FYB2: variants seen among roughly 807,000 people sequenced by gnomAD.
FYB2 encodes the protein FYN-binding protein 2.
FYB2 carries 103 observed loss-of-function variants against 94.1 expected under a neutral mutation model. The observed-to-expected ratio is 1.09, with a 90% CI of 0.93 to 1.29. The LOEUF is 1.29. Among genes scored for constraint, FYB2 ranks in the 50% most tolerant of loss-of-function variants. The probability of loss-of-function intolerance (pLI) is 0.00; values close to 1 mark genes in which losing one functional copy is unlikely to be tolerated. For synonymous variants in FYB2, 293 were observed against 287.9 expected (o/e 1.02, Z -0.18); for missense variants, 896 against 841.5 (o/e 1.06, Z -0.80).
At chr1:56,768,031 G>A in intron 4 of FYB2, 93 bp from the exon 5 acceptor site, 2 of 939,324 alleles carry the variant, frequency 2.1e-6, no homozygotes, top group South Asian at 3.3e-5. Flanking sequence ...AATAATATGT[G>A]TGTCTGGCCA....
At chr1:56,826,066 T>C in the FYB2 span, among the ~76,000 whole-genome samples, 1 of 152,190 alleles carries the variant, frequency 6.6e-6, no homozygotes, top group African/African-American at 2.4e-5. Context: ...GGGTGCCCGA[T>C]GGTCACTGGC....
chr1:56,719,811 T>G, intron 19 of FYB2, 119 bp from the exon 20 acceptor site: 1 of 1,128,240 alleles, frequency 8.9e-7, no homozygotes, highest in Admixed American at 2.5e-5. Flanking sequence ...TTAAAATGTT[T>G]ATAAAGCTGT....
chr1:56,793,312 G>A (rs1297111022), intron 1 of FYB2, among the ~76,000 whole-genome samples: 1 of 152,118 alleles, frequency 6.6e-6, no homozygotes, highest in East Asian at 1.9e-4. Flanking sequence ...TCTATCACCT[G>A]GAGTTTGGTT....
intron 16 of FYB2, among the ~76,000 whole-genome samples, 200 bp downstream of exon 16, chr1:56,726,297 A>G (rs765763758): frequency 2.0e-5 from 3 of 152,090 alleles, no homozygotes; most frequent in Non-Finnish European, 4.4e-5. Flanking sequence ...ATGAAGATAC[A>G]TGGGTATGAC....
intron 9 of FYB2, among the ~76,000 whole-genome samples, chr1:56,745,226 G>A (rs534681192): frequency 5.8e-4 from 88 of 152,070 alleles, no homozygotes; most frequent in African/African-American, 2.0e-3. Flanking sequence ...TGAAGCAAAT[G>A]CAAAAGTTTA....
intron 4 of FYB2, among the ~76,000 whole-genome samples, chr1:56,782,190 A>G (rs1357115170): frequency 6.6e-6 from 1 of 152,162 alleles, no homozygotes; most frequent in Non-Finnish European, 1.5e-5. Flanking sequence ...CTACTGATCT[A>G]TCGAACACTA....
chr1:56,794,374 G>A (rs1646346545), intron 1 of FYB2, among the ~76,000 whole-genome samples: 1 of 152,136 alleles, frequency 6.6e-6, no homozygotes, highest in Non-Finnish European at 1.5e-5. Flanking sequence ...GCAGGAAGTA[G>A]GACAATGTCT....
chr1:56,806,334 T>C (rs1215779884), intron 1 of FYB2, among the ~76,000 whole-genome samples: 1 of 152,150 alleles, frequency 6.6e-6, no homozygotes, highest in East Asian at 1.9e-4. Context: ...AATGAGATTA[T>C]ATTAGGTTGG....
At chr1:56,770,436 A>G (rs1050658316) in intron 4 of FYB2, among the ~76,000 whole-genome samples, 7 of 152,202 alleles carry the variant, frequency 4.6e-5, no homozygotes, top group African/African-American at 1.4e-4. Context: ...AGATAATACA[A>G]TTTTGAAATG....
intron 4 of FYB2, among the ~76,000 whole-genome samples, chr1:56,770,583 C>T (rs374500028): frequency 1.1e-4 from 16 of 151,832 alleles, no homozygotes; most frequent in African/African-American, 1.9e-4. Context: ...AAATTTATTC[C>T]GAGACCTCAA....
chr1:56,810,060 G>A (rs1646731750), intron 1 of FYB2, among the ~76,000 whole-genome samples: 1 of 152,162 alleles, frequency 6.6e-6, no homozygotes, highest in Non-Finnish European at 1.5e-5. Context: ...AGAGAAAGAG[G>A]AGGGGGAAGA....
At chr1:56,803,189 G>T (rs1434163179) in intron 1 of FYB2, among the ~76,000 whole-genome samples, 2 of 152,162 alleles carry the variant, frequency 1.3e-5, no homozygotes, top group Non-Finnish European at 2.9e-5. Flanking sequence ...TGTGGTCTGA[G>T]ACAGCATGCT....
At chr1:56,753,749 C>T (rs764090372) in intron 8 of FYB2, 90 bp downstream of exon 8, 15 of 829,274 alleles carry the variant, frequency 1.8e-5, no homozygotes, top group South Asian at 1.6e-4. Flanking sequence ...AACTCTGTCT[C>T]TCTGAAGAGC....
chr1:56,771,090 A>G (rs910558714), intron 4 of FYB2, among the ~76,000 whole-genome samples: 2 of 152,172 alleles, frequency 1.3e-5, no homozygotes, highest in Non-Finnish European at 2.9e-5. Context: ...GAAGTTGATT[A>G]GTTAGTATTG....
intron 14 of FYB2, chr1:56,737,788 C>G (rs555165970): frequency 1.3e-5 from 2 of 152,150 alleles, no homozygotes; most frequent in Admixed American, 1.3e-4. Context: ...TAATTATTCA[C>G]TCCCTTATTT....
intron 15 of FYB2, among the ~76,000 whole-genome samples, chr1:56,735,050 A>G (rs954452752): frequency 6.6e-5 from 10 of 152,118 alleles, no homozygotes; most frequent in Non-Finnish European, 1.0e-4. Context: ...AACAGTATGG[A>G]GGTTCCTAAA....
intron 4 of FYB2, among the ~76,000 whole-genome samples, chr1:56,771,447 A>G (rs1645752562): frequency 1.3e-5 from 2 of 152,246 alleles, no homozygotes. Context: ...ACGTAAGAAC[A>G]TACTAAATGG....
chr1:56,779,725 C>T (rs952910998), intron 4 of FYB2, among the ~76,000 whole-genome samples: 1 of 152,062 alleles, frequency 6.6e-6, no homozygotes, highest in Non-Finnish European at 1.5e-5. Context: ...TGCTTTCATG[C>T]CCACTGTTTA....
At chr1:56,791,410 C>G (rs1388799313) in intron 2 of FYB2, among the ~76,000 whole-genome samples, 3 of 152,062 alleles carry the variant, frequency 2.0e-5, no homozygotes, top group Non-Finnish European at 4.4e-5. Flanking sequence ...CACAGGCCAC[C>G]ATGTCCAGCT....
Sources: allele counts gnomAD v4.1 joint callset (sites outside exome capture counted in the v4.1 genomes callset), GRCh38; gene constraint gnomAD v4.1.1; transcripts MANE v1.5; gene names NCBI Gene and HGNC (gene_info 2026-07-23, HGNC 2026-07-21).